The following ZNF345 variants were observed in gnomAD, a reference collection of about 807,000 sequenced individuals.
The protein encoded by ZNF345 is zinc finger protein 345.
For missense variants in ZNF345, 527 were observed against 589.9 expected (o/e 0.89, Z 1.10); for synonymous variants, 166 against 187.9 (o/e 0.88, Z 0.95).
intron 3 of ZNF345, chr19:36,891,151 G>A (rs1024478024): frequency 1.0e-5 from 2 of 197,892 alleles, no homozygotes; most frequent in Non-Finnish European, 2.0e-5. Flanking sequence ...TGAAGATGGA[G>A]GCAGAGATTG....
chr19:36,884,806 C>G (rs1355850575), intron 3 of ZNF345, among the ~76,000 whole-genome samples: 1 of 152,200 alleles, frequency 6.6e-6, no homozygotes, highest in Non-Finnish European at 1.5e-5. Flanking sequence ...AGAGTACCCC[C>G]AGTGGGCCTC....
chr19:36,857,362 A>G (rs2072441963), intron 2 of ZNF345, among the ~76,000 whole-genome samples: 1 of 152,158 alleles, frequency 6.6e-6, no homozygotes, highest in African/African-American at 2.4e-5. Context: ...GCTGGAGTGC[A>G]GCGGCGCCAT....
In ZNF345 at chr19:36,852,868, G is replaced by GT. The variant is rs201483636; in HGVS notation, c.-47+972dup. Among the ~76,000 whole-genome samples the GT allele has an allele frequency of 3.8e-4, 55 of 145,848 alleles. No homozygotes were observed. The East Asian group carries it at 4.0e-3, about 11-fold the overall frequency. On this transcript the variant is annotated intron_variant, in intron 2 of 2. Transcript: ENST00000420450. ...TGGCCATTTGAATGTCCCCTTTTTT[G>GT]TTTTTTTTGTTTTTTTTTTTTGAGA...
At chr19:36,872,904 T>C (rs2072799276) in intron 2 of ZNF345, among the ~76,000 whole-genome samples, 1 of 152,222 alleles carries the variant, frequency 6.6e-6, no homozygotes, top group Non-Finnish European at 1.5e-5. Flanking sequence ...CTGAATCTTT[T>C]ATCCTATTGA....
chr19:36,876,802 A>C lies in ZNF345; in HGVS notation c.-29A>C. ...TCTTTCAGACTATGAATCAAAGTTG[A>C]GACCAAGAAATTATTTCTGAAAAAG... On this transcript the variant is annotated 5_prime_UTR_variant, in exon 3 of 3. The change abolishes the stop of an existing upstream ORF in the 5' untranslated region. Coordinates refer to ENST00000420450, the MANE Select transcript of ZNF345 (RefSeq NM_001242472.2). The C allele has an allele frequency of 1.3e-6, 2 of 1,547,560 alleles. No homozygotes were observed. Among genetic ancestry groups the C allele is most frequent in the Non-Finnish European group, 1.7e-6 (2 of 1,152,150 alleles).
chr19:36,880,112 C>G (rs1359741717), downstream of ZNF345, among the ~76,000 whole-genome samples: 1 of 152,074 alleles, frequency 6.6e-6, no homozygotes, highest in Non-Finnish European at 1.5e-5. Flanking sequence ...GGGTGGATCA[C>G]TTGAGGCCAG....
At chr19:36,891,858 A>G in intron 3 of ZNF345, 1 of 1,614,106 alleles carries the variant, frequency 6.2e-7, no homozygotes, top group East Asian at 2.2e-5. Flanking sequence ...GATGCTGAAT[A>G]AGCCTTGAGT....
At chr19:36,855,938 C>T (rs1328827821) in intron 2 of ZNF345, among the ~76,000 whole-genome samples, 5 of 152,146 alleles carry the variant, frequency 3.3e-5, no homozygotes, top group African/African-American at 4.8e-5. Context: ...CTCTGTAATA[C>T]GACATAAAGA....
intron 2 of ZNF345, among the ~76,000 whole-genome samples, chr19:36,852,235 A>G (rs1427633465): frequency 6.9e-6 from 1 of 145,888 alleles, no homozygotes; most frequent in Non-Finnish European, 1.5e-5. Context: ...TGGCTACTAC[A>G]GGCAGTGTGA....
intron 2 of ZNF345, among the ~76,000 whole-genome samples, chr19:36,854,235 G>GTTTTTTTT (rs34215056): frequency 2.9e-5 from 4 of 138,700 alleles, no homozygotes; most frequent in Non-Finnish European, 3.2e-5. Flanking sequence ...CCTGGGTTTT[G>GTTTTTTTT]TTTTTTTTTT....
At chr19:36,891,760 C>T (rs771101060) in intron 3 of ZNF345, 1 of 1,614,028 alleles carries the variant, frequency 6.2e-7, no homozygotes, top group South Asian at 1.1e-5. Flanking sequence ...AGCATGAATT[C>T]TGTGATGGTT....
At chr19:36,882,766 T>C (rs997699630), downstream of ZNF345, among the ~76,000 whole-genome samples, 1 of 152,190 alleles carries the variant, frequency 6.6e-6, no homozygotes, top group African/African-American at 2.4e-5. Flanking sequence ...TAATTTATTA[T>C]TTGTGGCCAA....
chr19:36,867,382 G>T (rs12985703), intron 2 of ZNF345, among the ~76,000 whole-genome samples: 9,367 of 152,114 alleles, frequency 0.062, 308 homozygotes, highest in Non-Finnish European at 0.067. Flanking sequence ...TAATTCAGTG[G>T]TATTTAGTAT....
intron 2 of ZNF345, among the ~76,000 whole-genome samples, chr19:36,855,563 C>T (rs1423014219): frequency 6.7e-6 from 1 of 150,128 alleles, no homozygotes; most frequent in African/African-American, 2.5e-5. Context: ...AGTGATTCTC[C>T]TGCTTCAGCC....
chr19:36,871,257 C>T (rs1188958514), intron 2 of ZNF345, among the ~76,000 whole-genome samples: 1 of 152,146 alleles, frequency 6.6e-6, no homozygotes. Flanking sequence ...GACCTAATCA[C>T]CTCCCAAAGG....
intron 2 of ZNF345, among the ~76,000 whole-genome samples, chr19:36,853,692 T>C (rs2072339885): frequency 2.0e-5 from 3 of 152,220 alleles, no homozygotes; most frequent in African/African-American, 7.2e-5. Context: ...TGCACTGATA[T>C]GCAGTGCCAT....
intron 2 of ZNF345, among the ~76,000 whole-genome samples, chr19:36,860,038 A>G (rs894497156): frequency 2.0e-5 from 3 of 152,066 alleles, no homozygotes; most frequent in African/African-American, 7.2e-5. Context: ...GCTCACTGCA[A>G]GTGCCGCCTC....
At position 36,851,823 on chromosome 19, in the gene ZNF345, T is replaced by C. The variant is rs1042613131; in HGVS notation, c.-121-7T>C. 2 of 152,262 alleles carry C rather than the reference T, an allele frequency of 1.3e-5. No homozygotes were observed. Among genetic ancestry groups the C allele is most frequent in the African/African-American group, 4.8e-5 (2 of 41,432 alleles). The allele number at this position is 152,262 out of a possible 1,614,324, so 9.4% of individuals were successfully genotyped here. On this transcript the variant is annotated splice_polypyrimidine_tract_variant and splice_region_variant and intron_variant, in intron 1 of 2. Transcript: ENST00000420450. ...TGATGTTTCCTGACTGCTTTCTCCT[T>C]CCTCAGCCCTGCCCTGCTTGGATAG...
chr19:36,891,027 C>G (rs975960406), intron 3 of ZNF345: 1 of 154,048 alleles, frequency 6.5e-6, no homozygotes, highest in Non-Finnish European at 1.4e-5. Flanking sequence ...TACTTGGAAA[C>G]AGGGTCTTGG....
Sources: gnomAD v4.1 joint callset for allele counts (sites outside exome capture counted in the v4.1 genomes callset) on GRCh38, gnomAD v4.1.1 for gene constraint, MANE v1.5 for transcripts, NCBI Gene and HGNC (gene_info 2026-07-23, HGNC 2026-07-21) for gene names.